Variants in DCTN2 observed in about 807,000 individuals in gnomAD.
DCTN2 encodes dynactin subunit 2.
Under a neutral mutation model 55.4 loss-of-function variants are expected in DCTN2, and 18 were observed. That is an observed-to-expected ratio of 0.32 (90% CI 0.22 to 0.48). The LOEUF (loss-of-function observed/expected upper bound fraction) is 0.48, where lower values mean the gene tolerates loss of function less well. DCTN2 is among the 20% of genes least tolerant of loss of function. The probability of loss-of-function intolerance (pLI) is 0.99; values close to 1 mark genes in which losing one functional copy is unlikely to be tolerated. For missense variants in DCTN2, 390 were observed against 491.0 expected, an observed-to-expected ratio of 0.79 and a Z score of 1.94; for synonymous variants, 168 against 185.2, an observed-to-expected ratio of 0.91 and a Z score of 0.76.
intron 2 of DCTN2, chr12:57,538,280 C>T (rs1380310389): frequency 3.3e-6 from 2 of 607,998 alleles, no homozygotes; most frequent in Non-Finnish European, 6.2e-6. Context: ...TGGAGCCTCT[C>T]CAAGGCTGTG....
In DCTN2 at chr12:57,530,395, A is replaced by G. The variant is rs1043942968; in HGVS notation, c.*294T>C. The G allele has an allele frequency of 5.8e-5, 20 of 346,440 alleles. No homozygotes were observed. Among genetic ancestry groups the G allele is most frequent in the Admixed American group, 4.6e-4 (11 of 23,890 alleles). The allele number at this position is 346,440 out of a possible 1,614,324, so 21.5% of individuals were successfully genotyped here. A position where few individuals can be genotyped will look rare whatever the true frequency, so the allele number is the denominator to read the frequency against. ...AAGCTGTGTTGGGGGACAAGACCCAATCCTTCCCCACACCAGGCAAAGCAG... is the reference window on the plus strand; with the variant it reads ...AAGCTGTGTTGGGGGACAAGACCCAGTCCTTCCCCACACCAGGCAAAGCAG... On this transcript the variant is annotated 3_prime_UTR_variant, in exon 14 of 14. Coordinates refer to ENST00000548249, the MANE Select transcript of DCTN2 (RefSeq NM_001261413.2).
chr12:57,533,935 C>A lies in DCTN2; in HGVS notation c.669+18G>T, dbSNP rs764901712. On this transcript the variant is annotated intron_variant, in intron 7 of 13. Transcript: ENST00000548249. ...CATCTCCCCTTGGCTTCCCAACCAA[C>A]ACTGTATCCACACTTACTTTGGCAG... 2.5e-6 allele frequency: 4 copies of A among 1,592,804 alleles called. No homozygotes were observed. The African/African-American group carries it at 4.0e-5, about 16-fold the overall frequency.
Position 57,547,143 on chromosome 12 carries a change from G to T in DCTN2, c.-80C>A, listed in dbSNP as rs1218712360. ...TTCGGGTAGGGGAGAGGCTGGGTTC[G>T]GGTCCCGGGCTAAGGCGGCGGCAAA... On this transcript the variant is annotated 5_prime_UTR_variant, in exon 1 of 14. Coordinates refer to ENST00000548249, the MANE Select transcript of DCTN2 (RefSeq NM_001261413.2). The T allele has an allele frequency of 3.0e-5, 36 of 1,191,988 alleles. No individual in the cohort carries two copies. Among genetic ancestry groups the T allele is most frequent in the Non-Finnish European group, 3.5e-5 (33 of 937,340 alleles). 73.8% of individuals were successfully genotyped at this position (1,191,988 alleles called of 1,614,324 possible). A position where few individuals can be genotyped will look rare whatever the true frequency, so the allele number is the denominator to read the frequency against.
At chr12:57,538,794 A>T (rs1280051189) in intron 2 of DCTN2, among the ~76,000 whole-genome samples, 1 of 152,218 alleles carries the variant, frequency 6.6e-6, no homozygotes, top group Non-Finnish European at 1.5e-5. Context: ...GATGTCATGA[A>T]GCTTTGCCAT....
Position 57,534,029 on chromosome 12 carries a change from G to C in DCTN2, c.593C>G (p.Thr198Ser), listed in dbSNP as rs1488629487. The change falls in exon 7 of 14, where the codon ACC (threonine) becomes AGC (serine). Residue 198 changes from threonine to serine, a missense_variant. Thr to Ser is a moderately conservative substitution (Grantham distance 58). Coordinates refer to ENST00000548249, the MANE Select transcript of DCTN2 (RefSeq NM_001261413.2). Reference protein sequence around the residue: ...KGGSGGKTTGTPPDSSLVTYE... With the variant: ...KGGSGGKTTGSPPDSSLVTYE... Reference sequence around the variant, plus strand: ...AGTGACAAGGCTGCTATCTGGGGGGGTCCCAGTGGTTTTTCCCCCTGATCC... The same window carrying C: ...AGTGACAAGGCTGCTATCTGGGGGGCTCCCAGTGGTTTTTCCCCCTGATCC... 6.2e-7 allele frequency: 1 copy of C among 1,613,428 alleles called. No individual in the cohort carries two copies.
In DCTN2 at chr12:57,534,047, CCT is replaced by C. The variant is rs1880001664; in HGVS notation, c.573_574del (p.Gly193LysfsTer9). The C allele has an allele frequency of 1.1e-5, 18 of 1,613,006 alleles. No homozygotes were observed. The highest frequency in any genetic ancestry group is 6.7e-5 in the Admixed American group (4 of 59,850). ...TGGGGGGGTCCCAGTGGTTTTTCCCCCTGATCCCCCTTTGCTGTTCTTTGTTG... is the reference window on the plus strand; with the variant it reads ...TGGGGGGGTCCCAGTGGTTTTTCCCCGATCCCCCTTTGCTGTTCTTTGTTG... On this transcript the variant is annotated frameshift_variant, in exon 7 of 14. Transcript: ENST00000548249. LOFTEE classifies it high-confidence loss of function.
chr12:57,535,724 C>G (rs148592832), intron 3 of DCTN2, 25 bp downstream of exon 3: 17 of 1,597,532 alleles, frequency 1.1e-5, no homozygotes, highest in East Asian at 2.2e-5. Flanking sequence ...GTCTTCCCCC[C>G]ACCCAGCTTC....
Position 57,530,592 on chromosome 12 carries a change from G to T in DCTN2, c.*97C>A. ...TTGCCCCCAGTGTCAAATGGGATGG[G>T]GATGCTAGAGTTATAGTAAAGGGGA... On this transcript the variant is annotated 3_prime_UTR_variant, in exon 14 of 14. Coordinates refer to ENST00000548249, the MANE Select transcript of DCTN2 (RefSeq NM_001261413.2). The T allele has an allele frequency of 9.3e-7, 1 of 1,075,454 alleles. No individual in the cohort carries two copies. Among genetic ancestry groups the T allele is most frequent in the Non-Finnish European group, 1.4e-6 (1 of 723,158 alleles). The allele number at this position is 1,075,454 out of a possible 1,614,324, so 66.6% of individuals were successfully genotyped here.
intron 2 of DCTN2, among the ~76,000 whole-genome samples, chr12:57,544,397 T>G (rs1408126790): frequency 0.057 from 25 of 440 alleles, no homozygotes; most frequent in African/African-American, 0.062. Flanking sequence ...TAAATTTTGT[T>G]TTTTTTTTTA....
intron 2 of DCTN2, chr12:57,543,796 C>G: frequency 7.8e-7 from 1 of 1,288,450 alleles, no homozygotes. Flanking sequence ...AGCTCATATG[C>G]ACTTCTATAC....
intron 7 of DCTN2, 30 bp downstream of exon 7, chr12:57,533,923 C>A: frequency 6.4e-7 from 1 of 1,567,024 alleles, no homozygotes; most frequent in Non-Finnish European, 8.7e-7. Flanking sequence ...CTCCCCTTGG[C>A]TTCCCAACCA....
chr12:57,535,364 G>T, intron 4 of DCTN2, 120 bp downstream of exon 4: 1 of 1,321,044 alleles, frequency 7.6e-7, no homozygotes, highest in Non-Finnish European at 1.1e-6. Flanking sequence ...GCATCCTGCT[G>T]CTTCCTCAGG....
chr12:57,535,599 T>G, intron 3 of DCTN2, 54 bp from the exon 4 acceptor site: 1 of 1,590,818 alleles, frequency 6.3e-7, no homozygotes, highest in Non-Finnish European at 8.6e-7. Context: ...AAGGCAGTCA[T>G]GGTCTCAGGT....
intron 2 of DCTN2, among the ~76,000 whole-genome samples, chr12:57,537,858 C>T (rs1286256834): frequency 1.3e-5 from 2 of 152,168 alleles, no homozygotes; most frequent in Non-Finnish European, 2.9e-5. Context: ...GATCTCTGGC[C>T]TCTTATCAAC....
At chr12:57,533,407 ATTCCT>A in intron 7 of DCTN2, 104 bp from the exon 8 acceptor site, 1 of 1,032,824 alleles carries the variant, frequency 9.7e-7, no homozygotes, top group Non-Finnish European at 1.5e-6. Context: ...ACCCCAAGGG[ATTCCT>A]TTCCCTGGAA....
intron 2 of DCTN2, 109 bp from the exon 3 acceptor site, chr12:57,535,954 G>A: frequency 1.2e-6 from 1 of 813,466 alleles, no homozygotes; most frequent in East Asian, 2.7e-5. Context: ...ACTTGTCCAA[G>A]GGGAAAGAAG....
chr12:57,532,389 C>T (rs766297912), intron 11 of DCTN2, 74 bp from the exon 12 acceptor site: 49 of 1,397,972 alleles, frequency 3.5e-5, no homozygotes, highest in East Asian at 1.7e-4. Flanking sequence ...GCTATTTCAC[C>T]GTAATGGGGG....
chr12:57,535,434 G>A (rs778091073), intron 4 of DCTN2, 50 bp downstream of exon 4: 14 of 1,599,510 alleles, frequency 8.8e-6, no homozygotes, highest in African/African-American at 4.0e-5. Context: ...ATGTCTGCTA[G>A]ATAGGGTCAC....
intron 2 of DCTN2, chr12:57,543,253 G>A (rs1036532649): frequency 8.6e-6 from 3 of 347,304 alleles, no homozygotes; most frequent in African/African-American, 6.5e-5. Flanking sequence ...GGAGGCTAAG[G>A]CAGGAGAATG....
Sources: gnomAD v4.1 joint callset for allele counts (sites outside exome capture counted in the v4.1 genomes callset) on GRCh38, gnomAD v4.1.1 for gene constraint, MANE v1.5 for transcripts, NCBI Gene and HGNC (gene_info 2026-07-23, HGNC 2026-07-21) for gene names.